The following SCLT1 variants were observed in gnomAD, a reference collection of about 807,000 sequenced individuals.
SCLT1 encodes the protein sodium channel-associated protein 1.
In SCLT1, 78 loss-of-function variants were observed where a neutral mutation model predicts 112.8. The observed-to-expected ratio is 0.69, with a 90% CI of 0.58 to 0.83. The LOEUF (loss-of-function observed/expected upper bound fraction) is 0.83. Ranked by LOEUF, SCLT1 falls within the 40% of genes least tolerant of loss-of-function variation. The probability of loss-of-function intolerance (pLI) is 0.00; values close to 1 mark genes in which losing one functional copy is unlikely to be tolerated. For synonymous variants in SCLT1, 257 were observed against 254.7 expected, an observed-to-expected ratio of 1.01 and a Z score of -0.09; for missense variants, 747 against 770.4, an observed-to-expected ratio of 0.97 and a Z score of 0.36.
At chr4:129,018,210 G>A (rs1320161021) in intron 5 of SCLT1, among the ~76,000 whole-genome samples, 1 of 152,152 alleles carries the variant, frequency 6.6e-6, no homozygotes, top group Non-Finnish European at 1.5e-5. Context: ...TCGTACAAGT[G>A]GTTATCATTA....
intron 18 of SCLT1, among the ~76,000 whole-genome samples, chr4:128,921,875 G>A (rs1218903481): frequency 1.3e-5 from 2 of 152,086 alleles, no homozygotes; most frequent in Admixed American, 6.6e-5. Flanking sequence ...CAGAATGGGA[G>A]AGAATATTAG....
At chr4:128,911,397 C>A (rs1464773702) in intron 18 of SCLT1, among the ~76,000 whole-genome samples, 3 of 152,138 alleles carry the variant, frequency 2.0e-5, no homozygotes, top group Non-Finnish European at 2.9e-5. Context: ...TTCTTTGAAG[C>A]TCAAAATTCT....
At chr4:128,917,952 A>T (rs1412694563) in intron 18 of SCLT1, among the ~76,000 whole-genome samples, 1 of 152,118 alleles carries the variant, frequency 6.6e-6, no homozygotes, top group Non-Finnish European at 1.5e-5. Context: ...ACTTCTCTCA[A>T]AGTCACAGGA....
intron 2 of SCLT1, among the ~76,000 whole-genome samples, chr4:129,052,890 A>G (rs995457463): frequency 6.6e-6 from 1 of 152,144 alleles, no homozygotes; most frequent in African/African-American, 2.4e-5. Flanking sequence ...CCCTCTACAC[A>G]CTGTTTAAAT....
intron 5 of SCLT1, 141 bp downstream of exon 5, chr4:129,038,900 C>T (rs1179848958): frequency 1.1e-5 from 7 of 641,838 alleles, no homozygotes; most frequent in South Asian, 1.8e-5. Flanking sequence ...AACAAGTAAT[C>T]GAGCCAGGAG....
chr4:128,928,437 T>C (rs1736478883), intron 18 of SCLT1, among the ~76,000 whole-genome samples: 1 of 152,158 alleles, frequency 6.6e-6, no homozygotes, highest in Non-Finnish European at 1.5e-5. Context: ...GTCACAGGAA[T>C]GAAAATTTGG....
At chr4:128,934,099 A>G (rs1736991065) in intron 18 of SCLT1, among the ~76,000 whole-genome samples, 1 of 152,006 alleles carries the variant, frequency 6.6e-6, no homozygotes, top group Non-Finnish European at 1.5e-5. Flanking sequence ...AAATAATTAT[A>G]TAAACATTTA....
chr4:128,983,089 T>C (rs1164806784), intron 9 of SCLT1, among the ~76,000 whole-genome samples: 2 of 151,972 alleles, frequency 1.3e-5, no homozygotes, highest in African/African-American at 2.4e-5. Flanking sequence ...GGTTTCTCCA[T>C]GTTGGTCAGG....
intron 19 of SCLT1, among the ~76,000 whole-genome samples, chr4:128,889,123 G>A (rs1382994492): frequency 6.6e-6 from 1 of 152,192 alleles, no homozygotes; most frequent in Non-Finnish European, 1.5e-5. Flanking sequence ...AGCTTTAGTA[G>A]GGGTGGGATG....
intron 2 of SCLT1, among the ~76,000 whole-genome samples, chr4:129,078,103 GACA>G (rs1422256896): frequency 5.9e-5 from 9 of 152,158 alleles, no homozygotes; most frequent in Non-Finnish European, 2.9e-5. Context: ...TTGGTTGCAA[GACA>G]ACAAGAATAG....
At chr4:128,988,428 T>C (rs1018038545) in intron 9 of SCLT1, among the ~76,000 whole-genome samples, 3 of 151,938 alleles carry the variant, frequency 2.0e-5, no homozygotes, top group African/African-American at 7.2e-5. Context: ...TTAAAACAAT[T>C]GGTCATAGTA....
intron 5 of SCLT1, among the ~76,000 whole-genome samples, chr4:129,005,250 T>G (rs981198059): frequency 1.3e-5 from 2 of 152,212 alleles, no homozygotes; most frequent in Non-Finnish European, 2.9e-5. Flanking sequence ...CATATGGTTA[T>G]CTGCATCATA....
At chr4:129,004,895 G>A (rs1743854099) in intron 5 of SCLT1, among the ~76,000 whole-genome samples, 1 of 151,470 alleles carries the variant, frequency 6.6e-6, no homozygotes, top group African/African-American at 2.4e-5. Flanking sequence ...AAACTTACAA[G>A]TATTGGTTAA....
intron 18 of SCLT1, among the ~76,000 whole-genome samples, chr4:128,915,717 C>T (rs1157318563): frequency 6.6e-6 from 1 of 152,078 alleles, no homozygotes; most frequent in African/African-American, 2.4e-5. Context: ...CACTAGCTTT[C>T]ATTCATTCAT....
chr4:129,041,513 T>C (rs1422914317), intron 4 of SCLT1, among the ~76,000 whole-genome samples: 3 of 152,198 alleles, frequency 2.0e-5, no homozygotes, highest in Non-Finnish European at 4.4e-5. Context: ...CATTAATTGA[T>C]AAATAAGGGC....
intron 9 of SCLT1, among the ~76,000 whole-genome samples, chr4:128,989,394 T>A (rs1742369549): frequency 6.6e-6 from 1 of 151,382 alleles, no homozygotes; most frequent in South Asian, 2.1e-4. Context: ...AATTAACCAA[T>A]TTAGAAGGAA....
At chr4:128,929,720 G>A (rs990883003) in intron 18 of SCLT1, among the ~76,000 whole-genome samples, 1 of 152,166 alleles carries the variant, frequency 6.6e-6, no homozygotes, top group Non-Finnish European at 1.5e-5. Context: ...GACAAAAGGG[G>A]CAGTGCAAAG....
intron 18 of SCLT1, among the ~76,000 whole-genome samples, chr4:128,933,427 T>C (rs1736932753): frequency 6.6e-6 from 1 of 152,114 alleles, no homozygotes; most frequent in Non-Finnish European, 1.5e-5. Context: ...GATATCCAGA[T>C]AGTCCCCACA....
intron 11 of SCLT1, among the ~76,000 whole-genome samples, chr4:128,962,551 AC>A (rs1739831843): frequency 6.6e-6 from 1 of 152,090 alleles, no homozygotes; most frequent in African/African-American, 2.4e-5. Context: ...AAATCCTCCC[AC>A]CTTTTTTCTC....
Sources: allele counts gnomAD v4.1 joint callset (sites outside exome capture counted in the v4.1 genomes callset), GRCh38; gene constraint gnomAD v4.1.1; transcripts MANE v1.5; gene names NCBI Gene and HGNC (gene_info 2026-07-23, HGNC 2026-07-21).